Variants in CSMD1 observed in about 807,000 individuals in gnomAD.
CSMD1 encodes the protein CUB and Sushi multiple domains 1.
CSMD1 carries 213 observed loss-of-function variants against 417.5 expected under a neutral mutation model. That is an observed-to-expected ratio of 0.51 (90% confidence interval 0.46 to 0.57). The LOEUF (loss-of-function observed/expected upper bound fraction) is 0.57. Ranked by LOEUF, CSMD1 falls within the 20% of genes least tolerant of loss-of-function variation. The probability of loss-of-function intolerance (pLI) is 0.00; values close to 1 mark genes in which losing one functional copy is unlikely to be tolerated. For missense variants in CSMD1, 6,923 were observed against 4,529.7 expected (o/e 1.53, Z -15.17); for synonymous variants, 2,862 against 1,736.8 (o/e 1.65, Z -16.11).
intron 5 of CSMD1, among the ~76,000 whole-genome samples, chr8:3,841,728 TTCCC>T (rs1170574585): frequency 6.6e-6 from 1 of 151,910 alleles, no homozygotes; most frequent in Non-Finnish European, 1.5e-5. Context: ...ACTACAATAG[TTCCC>T]TCCTAGCTTT....
chr8:4,446,019 C>G (rs1798767850), intron 2 of CSMD1, among the ~76,000 whole-genome samples: 1 of 152,066 alleles, frequency 6.6e-6, no homozygotes, highest in Non-Finnish European at 1.5e-5. Flanking sequence ...GACTCTGTGC[C>G]AACTCTTAGG....
intron 7 of CSMD1, among the ~76,000 whole-genome samples, chr8:3,617,828 A>G (rs191099422): frequency 2.0e-5 from 3 of 152,334 alleles, no homozygotes; most frequent in Non-Finnish European, 4.4e-5. Flanking sequence ...CGTAAATCCA[A>G]TGAATAGCTG....
At chr8:3,188,535 G>A (rs1242905540) in intron 35 of CSMD1, among the ~76,000 whole-genome samples, 2 of 151,840 alleles carry the variant, frequency 1.3e-5, no homozygotes, top group African/African-American at 4.8e-5. Flanking sequence ...TTGAACTCCT[G>A]ACATCAAGTG....
At chr8:4,910,393 A>G (rs530095092) in intron 1 of CSMD1, among the ~76,000 whole-genome samples, 117 of 152,310 alleles carry the variant, frequency 7.7e-4, no homozygotes, top group African/African-American at 2.7e-3. Flanking sequence ...TTGCTTATAA[A>G]CAATAGAAAT....
At chr8:4,386,793 T>C (rs1803483960) in intron 3 of CSMD1, among the ~76,000 whole-genome samples, 1 of 151,986 alleles carries the variant, frequency 6.6e-6, no homozygotes, top group Admixed American at 6.5e-5. Flanking sequence ...AGAGATACAA[T>C]AAAAAAATAT....
chr8:4,908,009 C>T (rs1473406266), intron 1 of CSMD1, among the ~76,000 whole-genome samples: 1 of 147,610 alleles, frequency 6.8e-6, no homozygotes, highest in Admixed American at 6.6e-5. Context: ...GGAATTATTA[C>T]TTTTAAAATA....
chr8:4,734,207 C>T (rs1563248740), intron 1 of CSMD1, among the ~76,000 whole-genome samples: 2 of 152,076 alleles, frequency 1.3e-5, no homozygotes, highest in Non-Finnish European at 2.9e-5. Context: ...GAAAATTCCC[C>T]TGCATGGTAT....
At chr8:4,619,933 A>G (rs1198782032) in intron 2 of CSMD1, among the ~76,000 whole-genome samples, 3 of 152,110 alleles carry the variant, frequency 2.0e-5, no homozygotes, top group Non-Finnish European at 2.9e-5. Context: ...AATATTAATA[A>G]TACATTTATA....
chr8:4,932,427 C>G (rs1291912824), intron 1 of CSMD1, among the ~76,000 whole-genome samples: 1 of 151,988 alleles, frequency 6.6e-6, no homozygotes, highest in African/African-American at 2.4e-5. Context: ...GACACGAAGA[C>G]TTCCAAAATC....
chr8:3,937,070 T>A (rs1206371524), intron 5 of CSMD1, among the ~76,000 whole-genome samples: 1 of 152,140 alleles, frequency 6.6e-6, no homozygotes, highest in Admixed American at 6.6e-5. Context: ...GAAACAGAAT[T>A]AGAAGTAGAA....
chr8:4,027,040 AC>A (rs1319094343), intron 4 of CSMD1, among the ~76,000 whole-genome samples: 1 of 152,248 alleles, frequency 6.6e-6, no homozygotes, highest in Non-Finnish European at 1.5e-5. Context: ...GGAACACAGA[AC>A]TTGGAAAAGA....
intron 1 of CSMD1, among the ~76,000 whole-genome samples, chr8:4,971,968 A>G (rs1469139408): frequency 6.6e-6 from 1 of 152,054 alleles, no homozygotes; most frequent in East Asian, 1.9e-4. Context: ...AGGATAATAA[A>G]CAGGTGTTAG....
chr8:3,991,383 T>C (rs771571131), intron 5 of CSMD1, among the ~76,000 whole-genome samples: 1 of 152,206 alleles, frequency 6.6e-6, no homozygotes, highest in Non-Finnish European at 1.5e-5. Context: ...TGCGTCACGG[T>C]TGCATATATA....
rs143913660 is a variant in CSMD1, at chr8:3,330,391, T to C, written c.3631+12903A>G. ...CTGGATAAAGAAAGTATGGTACATA[T>C]ACACCATGGAATACTACACAGCCAT... On this transcript the variant is annotated intron_variant, in intron 23 of 69. Transcript: ENST00000635120. Among the ~76,000 whole-genome samples the C allele has an allele frequency of 2.1e-3, 316 of 152,280 alleles. 3 individuals are homozygous for C. Among genetic ancestry groups the C allele is most frequent in the African/African-American group, 7.3e-3 (304 of 41,544 alleles).
At chr8:3,862,464 T>A (rs770183552) in intron 5 of CSMD1, among the ~76,000 whole-genome samples, 1 of 152,210 alleles carries the variant, frequency 6.6e-6, no homozygotes, top group East Asian at 1.9e-4. Flanking sequence ...GTAATTCAAA[T>A]GTGAGCCTTT....
At chr8:4,715,127 A>T (rs990361592) in intron 1 of CSMD1, among the ~76,000 whole-genome samples, 3 of 152,230 alleles carry the variant, frequency 2.0e-5, no homozygotes, top group Non-Finnish European at 4.4e-5. Context: ...TCCAAAAACT[A>T]GTAAGATTAA....
intron 43 of CSMD1, 94 bp downstream of exon 43, chr8:3,110,064 C>T: frequency 9.4e-7 from 1 of 1,063,380 alleles, no homozygotes; most frequent in Non-Finnish European, 1.3e-6. Flanking sequence ...GAAGTTTATT[C>T]TAAATATGTG....
At chr8:4,386,091 G>C (rs1163738075) in intron 3 of CSMD1, among the ~76,000 whole-genome samples, 1 of 151,912 alleles carries the variant, frequency 6.6e-6, no homozygotes, top group Non-Finnish European at 1.5e-5. Context: ...CTCTTCTCTC[G>C]CTGTACCCAG....
In CSMD1 at chr8:4,968,186, A is replaced by G. The variant is rs575114198; in HGVS notation, c.85+26146T>C. On this transcript the variant is annotated intron_variant, in intron 1 of 69. Transcript: ENST00000635120. The stretch of plus-strand genomic sequence containing the variant: ...TCTGAAATAGGATAATTTTTTCCAG[A>G]TAATTAGATTTTTGGTATTTTAGAA... 2.1e-4 allele frequency among the ~76,000 whole-genome samples: 32 copies of G among 152,310 alleles called. 2 individuals carry two copies. In the South Asian group the frequency reaches 6.4e-3, roughly 31 times the overall value.
Sources: gnomAD v4.1 joint callset for allele counts (sites outside exome capture counted in the v4.1 genomes callset) on GRCh38, gnomAD v4.1.1 for gene constraint, MANE v1.5 for transcripts, NCBI Gene and HGNC (gene_info 2026-07-23, HGNC 2026-07-21) for gene names.